PATJ: variants seen among roughly 807,000 people sequenced by gnomAD.
PATJ encodes the protein PATJ crumbs cell polarity complex component.
In PATJ, 190 loss-of-function variants were observed where a neutral mutation model predicts 224.9. The ratio of observed to expected loss-of-function variants is 0.84; its 90% CI spans 0.75 to 0.95. The LOEUF is 0.95. Among genes scored for constraint, PATJ ranks in the 40% least tolerant of loss-of-function variants. PATJ has a pLI of 0.00. For synonymous variants in PATJ, 769 were observed against 820.3 expected (o/e 0.94, Z 1.07); for missense variants, 2,121 against 2,270.3 (o/e 0.93, Z 1.34).
At chr1:61,742,929 A>T (rs957019400) in intron 1 of PATJ, among the ~76,000 whole-genome samples, 2 of 151,986 alleles carry the variant, frequency 1.3e-5, no homozygotes, top group African/African-American at 4.8e-5. Flanking sequence ...CGGGCCTCGA[A>T]TCTCGGCCCA....
In PATJ at chr1:61,796,957, C is replaced by A. The variant is rs558941189; in HGVS notation, c.1261-330C>A. Among the ~76,000 whole-genome samples the A allele has an allele frequency of 4.4e-4, 67 of 152,108 alleles. 1 individual carries two copies. Among genetic ancestry groups the A allele is most frequent in the African/African-American group, 1.4e-3 (60 of 41,472 alleles). On this transcript the variant is annotated intron_variant, in intron 10 of 43. Coordinates refer to ENST00000642238, the MANE Select transcript of PATJ (RefSeq NM_001350145.3). ...TCTTGGCTCACTCCAACCACTGCCT[C>A]CCAGGTTCAAGCGATTCTCCTGCCT... is the stretch of plus-strand genomic sequence containing the variant.
intron 1 of PATJ, among the ~76,000 whole-genome samples, chr1:61,761,621 G>C (rs1003241556): frequency 6.6e-6 from 1 of 152,052 alleles, no homozygotes; most frequent in Non-Finnish European, 1.5e-5. Flanking sequence ...TGAGCCAAGA[G>C]TAGTAAACAG....
At chr1:61,890,502 CTT>C in intron 22 of PATJ, among the ~76,000 whole-genome samples, 1 of 151,338 alleles carries the variant, frequency 6.6e-6, no homozygotes, top group Non-Finnish European at 1.5e-5. Flanking sequence ...TTTTTTTTTC[CTT>C]CTTCTTCTTT....
In PATJ at chr1:61,883,016, T is replaced by A. The variant is rs559792262; in HGVS notation, c.2960-1221T>A. Among the ~76,000 whole-genome samples, 4 of 152,352 alleles carry A rather than the reference T, an allele frequency of 2.6e-5. No individual in the cohort carries two copies. The South Asian group carries it at 8.3e-4, about 32-fold the overall frequency. ...TGTGTATAGACAATATATGTGGACATACCCACACACATGTCTATATATGAT... is the reference window on the plus strand; with the variant it reads ...TGTGTATAGACAATATATGTGGACAAACCCACACACATGTCTATATATGAT... On this transcript the variant is annotated intron_variant, in intron 21 of 43. Coordinates refer to ENST00000642238, the MANE Select transcript of PATJ (RefSeq NM_001350145.3).
Position 61,864,221 on chromosome 1 carries a change from G to T in PATJ, c.2440-17G>T, listed in dbSNP as rs1352861332. On this transcript the variant is annotated splice_polypyrimidine_tract_variant and intron_variant, in intron 19 of 43. Transcript: ENST00000642238. ...GACAGGCGTAACTTCACATTTTTTTGCATCTTTTATTTATAGGGATTTAGA... is the reference window on the plus strand; with the variant it reads ...GACAGGCGTAACTTCACATTTTTTTTCATCTTTTATTTATAGGGATTTAGA... The T allele has an allele frequency of 3.2e-6, 5 of 1,568,082 alleles. No homozygotes were observed. The highest frequency in any genetic ancestry group is 3.8e-5 in the Admixed American group (2 of 52,746).
At position 62,117,225 on chromosome 1, in the gene PATJ, G is replaced by T. The variant is rs77835195; in HGVS notation, c.4890+7G>T. 6.2e-7 allele frequency: 1 copy of T among 1,613,902 alleles called. No individual in the cohort carries two copies. Among genetic ancestry groups the T allele is most frequent in the East Asian group, 2.2e-5 (1 of 44,880 alleles). On this transcript the variant is annotated splice_region_variant and intron_variant, in intron 37 of 43. Transcript: ENST00000642238. ...GACATCACAGAACAGTCAGGTTGTC[G>T]ATGGCTTCTCATCAGACTGACTCAC...
chr1:61,804,056 A>C (rs1653062850), intron 12 of PATJ, among the ~76,000 whole-genome samples: 1 of 152,170 alleles, frequency 6.6e-6, no homozygotes, highest in South Asian at 2.1e-4. Context: ...ATTTATATTA[A>C]CTGTCATATG....
intron 26 of PATJ, among the ~76,000 whole-genome samples, chr1:61,922,321 G>A (rs1020787187): frequency 4.6e-5 from 7 of 152,098 alleles, no homozygotes; most frequent in Admixed American, 4.6e-4. Flanking sequence ...TGGAATTATA[G>A]ATGTGAGCCA....
intron 34 of PATJ, among the ~76,000 whole-genome samples, chr1:62,111,868 G>T (rs1426279687): frequency 4.0e-5 from 6 of 151,698 alleles, no homozygotes; most frequent in African/African-American, 1.5e-4. Context: ...CACTGTGTTG[G>T]CCAGGCTGGT....
chr1:62,021,308 C>T (rs893703679), intron 29 of PATJ, among the ~76,000 whole-genome samples: 3 of 152,170 alleles, frequency 2.0e-5, no homozygotes, highest in African/African-American at 7.2e-5. Flanking sequence ...GAGGGCCCCA[C>T]TCTCATGACG....
chr1:61,962,058 A>G (rs79744148), intron 27 of PATJ, among the ~76,000 whole-genome samples: 7,386 of 151,934 alleles, frequency 0.049, 606 homozygotes, highest in African/African-American at 0.17. Flanking sequence ...AAACAATACC[A>G]TCTATTCTTA....
chr1:62,039,087 G>A, intron 30 of PATJ: 2 of 768,716 alleles, frequency 2.6e-6, no homozygotes, highest in Non-Finnish European at 4.7e-6. Context: ...GCTTCACAGT[G>A]GCAGTACACA....
At chr1:61,796,709 T>C (rs1437574493) in intron 10 of PATJ, among the ~76,000 whole-genome samples, 12 of 47,400 alleles carry the variant, frequency 2.5e-4, no homozygotes, top group Admixed American at 6.0e-4. Flanking sequence ...TTTCTTTCTT[T>C]CTTTCTTTCT....
chr1:61,890,294 C>T (rs1669426732), intron 22 of PATJ, among the ~76,000 whole-genome samples: 1 of 152,040 alleles, frequency 6.6e-6, no homozygotes, highest in Admixed American at 6.6e-5. Context: ...GCCTGGGCAA[C>T]ATAGTGAAAA....
chr1:61,892,403 A>G (rs547168542), intron 22 of PATJ, among the ~76,000 whole-genome samples: 2 of 151,518 alleles, frequency 1.3e-5, no homozygotes, highest in South Asian at 4.2e-4. Context: ...GAGTCATCAG[A>G]TTTTGTATGA....
At chr1:61,941,551 T>A (rs1168309385) in intron 27 of PATJ, among the ~76,000 whole-genome samples, 1 of 152,138 alleles carries the variant, frequency 6.6e-6, no homozygotes, top group Admixed American at 6.6e-5. Context: ...TTTGATAGGC[T>A]GAAGCACGAG....
chr1:62,112,117 G>A (rs1663895350), intron 34 of PATJ, among the ~76,000 whole-genome samples: 1 of 152,166 alleles, frequency 6.6e-6, no homozygotes, highest in African/African-American at 2.4e-5. Flanking sequence ...CAGTTCAAAA[G>A]TCACCTTCTC....
At chr1:62,084,372 C>A in intron 32 of PATJ, 143 bp from the exon 33 acceptor site, 1 of 763,360 alleles carries the variant, frequency 1.3e-6, no homozygotes, top group Non-Finnish European at 2.0e-6. Context: ...GCAGGAATGA[C>A]CCAGCTTTTT....
intron 39 of PATJ, among the ~76,000 whole-genome samples, chr1:62,125,041 C>T (rs1395714575): frequency 6.6e-6 from 1 of 151,962 alleles, no homozygotes; most frequent in African/African-American, 2.4e-5. Flanking sequence ...GCCTGGGCAA[C>T]ATGGGGAAAC....
Sources: gnomAD v4.1 joint callset for allele counts (sites outside exome capture counted in the v4.1 genomes callset) on GRCh38, gnomAD v4.1.1 for gene constraint, MANE v1.5 for transcripts, NCBI Gene and HGNC (gene_info 2026-07-23, HGNC 2026-07-21) for gene names.